RIMS2: variants seen among roughly 807,000 people sequenced by gnomAD.
RIMS2 encodes regulating synaptic membrane exocytosis protein 2.
RIMS2 carries 59 observed loss-of-function variants against 174.4 expected under a neutral mutation model. The ratio of observed to expected loss-of-function variants is 0.34; its 90% CI spans 0.27 to 0.42. The LOEUF (loss-of-function observed/expected upper bound fraction) is 0.42. Among genes scored for constraint, RIMS2 ranks in the 10% least tolerant of loss-of-function variants. RIMS2 has a pLI of 1.00. For synonymous variants in RIMS2, 606 were observed against 572.5 expected, an observed-to-expected ratio of 1.06 and a Z score of -0.84; for missense variants, 1,620 against 1,666.3, an observed-to-expected ratio of 0.97 and a Z score of 0.48.
chr8:104,026,236 G>A, intron 19 of RIMS2, among the ~76,000 whole-genome samples: 1 of 152,178 alleles, frequency 6.6e-6, no homozygotes, highest in Non-Finnish European at 1.5e-5. Flanking sequence ...TTCAATGCAT[G>A]TGTAAAAATC....
intron 19 of RIMS2, among the ~76,000 whole-genome samples, chr8:104,142,512 A>G (rs2133651949): frequency 6.6e-6 from 1 of 152,216 alleles, no homozygotes; most frequent in Non-Finnish European, 1.5e-5. Context: ...GAAACAAATC[A>G]TGTTTTTAAA....
chr8:103,857,124 C>T (rs919671022), intron 3 of RIMS2, among the ~76,000 whole-genome samples: 14 of 152,110 alleles, frequency 9.2e-5, no homozygotes, highest in African/African-American at 3.4e-4. Flanking sequence ...TACGGTGTTA[C>T]ATAAAATTTT....
chr8:104,124,449 T>C (rs1315319117), intron 19 of RIMS2, among the ~76,000 whole-genome samples: 2 of 152,140 alleles, frequency 1.3e-5, no homozygotes, highest in African/African-American at 2.4e-5. Flanking sequence ...TCTCACTCAA[T>C]GTCACTTTTT....
intron 3 of RIMS2, among the ~76,000 whole-genome samples, chr8:103,774,249 C>T (rs1029584865): frequency 2.6e-5 from 4 of 152,178 alleles, no homozygotes; most frequent in African/African-American, 9.7e-5. Context: ...CTGGTCTAAA[C>T]ATTAGAAAAG....
intron 10 of RIMS2, among the ~76,000 whole-genome samples, chr8:103,926,303 C>T (rs2078768204): frequency 6.6e-6 from 1 of 151,596 alleles, no homozygotes; most frequent in Admixed American, 6.6e-5. Flanking sequence ...TATATCCCCT[C>T]TGTCATTTGC....
At chr8:104,008,503 G>A (rs1401235121) in intron 17 of RIMS2, among the ~76,000 whole-genome samples, 1 of 151,526 alleles carries the variant, frequency 6.6e-6, no homozygotes, top group Non-Finnish European at 1.5e-5. Flanking sequence ...GTGTGTGTGT[G>A]TGTGTGTTTA....
In RIMS2 at chr8:104,220,329, G is replaced by A. The variant is rs566582432; in HGVS notation, c.3335-24587G>A. Among the ~76,000 whole-genome samples the A allele has an allele frequency of 2.0e-5, 3 of 152,260 alleles. No homozygotes were observed. The East Asian group carries it at 5.8e-4, about 29-fold the overall frequency. ...GGACAACCTTGTTCTGAAGCTGCAGGAGGGAAGTGGTGGTCATGTAGTAGA... is the reference window on the plus strand; with the variant it reads ...GGACAACCTTGTTCTGAAGCTGCAGAAGGGAAGTGGTGGTCATGTAGTAGA... On this transcript the variant is annotated intron_variant, in intron 19 of 23. Coordinates refer to ENST00000504942, the Ensembl canonical transcript of RIMS2.
intron 2 of RIMS2, among the ~76,000 whole-genome samples, chr8:103,746,011 G>C (rs1468126190): frequency 6.6e-6 from 1 of 152,046 alleles, no homozygotes; most frequent in Non-Finnish European, 1.5e-5. Context: ...TAATATCTAA[G>C]AAACAGTTGC....
chr8:103,617,803 C>T (rs1304306063), intron 1 of RIMS2, among the ~76,000 whole-genome samples: 1 of 152,048 alleles, frequency 6.6e-6, no homozygotes, highest in Non-Finnish European at 1.5e-5. Flanking sequence ...ACCACAATGA[C>T]ATACCACCTC....
chr8:103,943,679 G>C lies in RIMS2; in HGVS notation c.2701+753G>C, dbSNP rs1369036828. Among the ~76,000 whole-genome samples the C allele has an allele frequency of 3.9e-5, 6 of 151,982 alleles. No individual in the cohort carries two copies. In the East Asian group the frequency reaches 5.8e-4, roughly 15 times the overall value. ...TCCAGATTGAATAATGACATTGTAGGCTTTTCGCCCCTAAAACTCAGGTCA... is the reference window on the plus strand; with the variant it reads ...TCCAGATTGAATAATGACATTGTAGCCTTTTCGCCCCTAAAACTCAGGTCA... On this transcript the variant is annotated intron_variant, in intron 14 of 23. Transcript: ENST00000504942.
exon 12 of RIMS2, chr8:103,931,357 A>G (rs747592089): frequency 7.5e-6 from 12 of 1,604,360 alleles, no homozygotes; most frequent in South Asian, 1.1e-5. Context: ...AGGCCAAGGA[A>G]TCCTTATGTT....
chr8:103,996,342 A>G (rs1199075988), intron 17 of RIMS2, among the ~76,000 whole-genome samples: 1 of 151,936 alleles, frequency 6.6e-6, no homozygotes, highest in Admixed American at 6.6e-5. Flanking sequence ...CTCCTCGTAA[A>G]TAGGCAAAGG....
chr8:104,003,182 A>G (rs1008489195), intron 17 of RIMS2, among the ~76,000 whole-genome samples: 6 of 152,158 alleles, frequency 3.9e-5, no homozygotes, highest in African/African-American at 1.4e-4. Context: ...CTAGATTTTT[A>G]TGTAAAGTAT....
At chr8:103,584,456 T>A (rs2132988796) in intron 1 of RIMS2, among the ~76,000 whole-genome samples, 1 of 152,154 alleles carries the variant, frequency 6.6e-6, no homozygotes, top group Non-Finnish European at 1.5e-5. Context: ...TTTAACACTA[T>A]AACTGTGGTG....
intron 19 of RIMS2, among the ~76,000 whole-genome samples, chr8:104,203,178 T>A (rs1423025314): frequency 6.6e-6 from 1 of 152,178 alleles, no homozygotes; most frequent in Non-Finnish European, 1.5e-5. Context: ...GTATAAAATA[T>A]CAAGTTATTT....
At chr8:104,221,683 A>C (rs2099156083) in intron 19 of RIMS2, among the ~76,000 whole-genome samples, 1 of 152,172 alleles carries the variant, frequency 6.6e-6, no homozygotes, top group South Asian at 2.1e-4. Flanking sequence ...AATCTGGATG[A>C]GCCTAAGTCT....
chr8:103,663,731 G>A (rs562113944), intron 1 of RIMS2, among the ~76,000 whole-genome samples: 11 of 152,166 alleles, frequency 7.2e-5, no homozygotes, highest in African/African-American at 2.6e-4. Context: ...AGATTCAATG[G>A]TATCCCCATC....
intron 19 of RIMS2, among the ~76,000 whole-genome samples, chr8:104,197,320 T>C (rs1838937): frequency 0.76 from 114,769 of 151,740 alleles, 44,636 homozygotes; most frequent in African/African-American, 0.94. Flanking sequence ...GGATTACAGG[T>C]GCCCACCACC....
At chr8:103,690,021 C>T (rs1171828545) in intron 1 of RIMS2, among the ~76,000 whole-genome samples, 6 of 147,278 alleles carry the variant, frequency 4.1e-5, no homozygotes, top group South Asian at 4.3e-4. Flanking sequence ...AGTGCAGTGG[C>T]GTAATCTCAG....
Sources: allele counts gnomAD v4.1 joint callset (sites outside exome capture counted in the v4.1 genomes callset), GRCh38; gene constraint gnomAD v4.1.1; transcripts MANE v1.5; gene names NCBI Gene and HGNC (gene_info 2026-07-23, HGNC 2026-07-21).